WNT7A: variants seen among roughly 807,000 people sequenced by gnomAD.
WNT7A encodes the protein protein Wnt-7a.
Under a neutral mutation model 28.2 loss-of-function variants are expected in WNT7A, and 16 were observed. The ratio of observed to expected loss-of-function variants is 0.57; its 90% confidence interval spans 0.38 to 0.86. The LOEUF is 0.86. Ranked by LOEUF, WNT7A falls within the 40% of genes least tolerant of loss-of-function variation. The probability of loss-of-function intolerance (pLI) is 0.00; values close to 1 mark genes in which losing one functional copy is unlikely to be tolerated. For missense variants in WNT7A, 411 were observed against 489.7 expected (o/e 0.84, Z 1.52); for synonymous variants, 190 against 195.9 (o/e 0.97, Z 0.25).
chr3:13,821,343 C>G (rs552178668), intron 3 of WNT7A, among the ~76,000 whole-genome samples: 1 of 152,178 alleles, frequency 6.6e-6, no homozygotes, highest in Non-Finnish European at 1.5e-5. Context: ...ACCTGGTACA[C>G]GTATGTTAGA....
chr3:13,876,727 T>A (rs1196363979), intron 1 of WNT7A, among the ~76,000 whole-genome samples: 6 of 137,236 alleles, frequency 4.4e-5, no homozygotes, highest in Admixed American at 7.2e-5. Context: ...GTAGGCACTC[T>A]GTCCTTGCTC....
chr3:13,845,816 C>T (rs1178214769), intron 3 of WNT7A, among the ~76,000 whole-genome samples: 1 of 152,234 alleles, frequency 6.6e-6, no homozygotes, highest in East Asian at 1.9e-4. Context: ...CAGGCCCAGG[C>T]TGGGCTCTGA....
At chr3:13,875,233 A>G in intron 1 of WNT7A, 60 bp from the exon 2 acceptor site, 1 of 1,584,274 alleles carries the variant, frequency 6.3e-7, no homozygotes, top group Non-Finnish European at 8.6e-7. Flanking sequence ...TGGCCTGGGA[A>G]CCCTTCGTAG....
chr3:13,850,045 G>A (rs1158819478), intron 3 of WNT7A, among the ~76,000 whole-genome samples: 1 of 152,230 alleles, frequency 6.6e-6, no homozygotes, highest in Non-Finnish European at 1.5e-5. Context: ...GGCCCTGAAA[G>A]GCTGAGATGT....
intron 2 of WNT7A, among the ~76,000 whole-genome samples, chr3:13,857,405 C>A (rs1022198321): frequency 1.3e-5 from 2 of 152,144 alleles, no homozygotes; most frequent in Non-Finnish European, 2.9e-5. Context: ...AAACGGCAGA[C>A]AGACAGGAAA....
intron 3 of WNT7A, among the ~76,000 whole-genome samples, chr3:13,839,547 GC>G (rs1694424368): frequency 6.6e-6 from 1 of 152,224 alleles, no homozygotes; most frequent in Admixed American, 6.5e-5. Context: ...CTCTGGCTTA[GC>G]AATGAACGCT....
At chr3:13,821,903 G>T (rs1694116345) in intron 3 of WNT7A, among the ~76,000 whole-genome samples, 1 of 152,126 alleles carries the variant, frequency 6.6e-6, no homozygotes, top group South Asian at 2.1e-4. Flanking sequence ...AAGTGAACAG[G>T]GATGCTTTGT....
chr3:13,817,246 A>T lies in WNT7A; in HGVS notation c.*1698T>A, dbSNP rs566066351. 2 of 152,302 alleles carry T rather than the reference A, an allele frequency of 1.3e-5. No individual in the cohort carries two copies. The highest frequency in any genetic ancestry group is 4.1e-4 in the South Asian group (2 of 4,822). The allele number at this position is 152,302 out of a possible 1,614,324, so 9.4% of individuals were successfully genotyped here. A position where few individuals can be genotyped will look rare whatever the true frequency, so the allele number is the denominator to read the frequency against. ...TCACATGCAAGCAGAGACTCTGGGG[A>T]GCAGCAGATGCAAAGGCATGCAGCT... On this transcript the variant is annotated 3_prime_UTR_variant, in exon 4 of 4. Transcript: ENST00000285018.
intron 3 of WNT7A, among the ~76,000 whole-genome samples, chr3:13,831,173 C>T (rs1381829904): frequency 6.6e-6 from 1 of 152,216 alleles, no homozygotes; most frequent in South Asian, 2.1e-4. Context: ...AGTGTCACTT[C>T]TTCCTACGTG....
At chr3:13,827,459 G>T (rs1419741913) in intron 3 of WNT7A, among the ~76,000 whole-genome samples, 4 of 152,320 alleles carry the variant, frequency 2.6e-5, no homozygotes, top group Admixed American at 2.6e-4. Flanking sequence ...ACCAGGTGCT[G>T]CCCAGAGCCC....
In WNT7A at chr3:13,868,592, G is replaced by GAAAGAA. The variant is rs1559306974; in HGVS notation, c.298+6354_298+6355insTTCTTT. Among the ~76,000 whole-genome samples the GAAAGAA allele has an allele frequency of 1.8e-3, 30 of 16,914 alleles. 4 individuals carry two copies. Among genetic ancestry groups the GAAAGAA allele is most frequent in the Admixed American group, 3.2e-3 (4 of 1,238 alleles). The allele number at this position is 16,914 out of a possible 152,430, so 11.1% of individuals were successfully genotyped here. On this transcript the variant is annotated intron_variant, in intron 2 of 3. Coordinates refer to ENST00000285018, the MANE Select transcript of WNT7A (RefSeq NM_004625.4). Reference sequence around the variant, plus strand: ...AGAGAGAGAGAGAGAGAGAGAGAGGGAGAAAGAAAGAAAGAAAGAGAGAGA... The same window carrying GAAAGAA: ...AGAGAGAGAGAGAGAGAGAGAGAGGGAAAGAAAGAAAGAAAGAAAGAAAGAGAGAGA...
rs572639590 is a variant in WNT7A, at chr3:13,821,737, G to A, written c.571-2314C>T. On this transcript the variant is annotated intron_variant, in intron 3 of 3. Coordinates refer to ENST00000285018, the MANE Select transcript of WNT7A (RefSeq NM_004625.4). ...GACAAAACTGGATAGTATTGTTTAGGAGCCCATCCACCAATATCAAGACAA... is the reference window on the plus strand; with the variant it reads ...GACAAAACTGGATAGTATTGTTTAGAAGCCCATCCACCAATATCAAGACAA... 8.1e-4 allele frequency among the ~76,000 whole-genome samples: 123 copies of A among 152,288 alleles called. 1 individual carries two copies. Among genetic ancestry groups the A allele is most frequent in the African/African-American group, 2.8e-3 (117 of 41,554 alleles).
chr3:13,857,342 A>G lies in WNT7A; in HGVS notation c.299-2539T>C, dbSNP rs549998330. 3.3e-5 allele frequency among the ~76,000 whole-genome samples: 5 copies of G among 152,270 alleles called. No individual in the cohort carries two copies. In the South Asian group the frequency reaches 1.0e-3, roughly 32 times the overall value. ...GGAGACCAGGCTTTGAGTGCTGCTG[A>G]GGCAGGGCCTTGGTAAAGAGATAGA... On this transcript the variant is annotated intron_variant, in intron 2 of 3. Transcript: ENST00000285018.
rs552178668 is a variant in WNT7A at position 13,821,343 on chromosome 3, C to T, written c.571-1920G>A. 7.9e-5 allele frequency among the ~76,000 whole-genome samples: 12 copies of T among 152,296 alleles called. No individual in the cohort carries two copies. In the East Asian group the frequency reaches 1.9e-3, roughly 24 times the overall value. On this transcript the variant is annotated intron_variant, in intron 3 of 3. Transcript: ENST00000285018. ...GCTGGAGGCATGCCAACCTGGTACA[C>T]GTATGTTAGAAACCCGTTTTCCAGT...
intron 3 of WNT7A, among the ~76,000 whole-genome samples, chr3:13,827,457 C>A (rs1182281284): frequency 6.6e-6 from 1 of 152,196 alleles, no homozygotes; most frequent in African/African-American, 2.4e-5. Context: ...GTACCAGGTG[C>A]TGCCCAGAGC....
At chr3:13,865,231 C>T (rs532699091) in intron 2 of WNT7A, among the ~76,000 whole-genome samples, 9 of 152,134 alleles carry the variant, frequency 5.9e-5, no homozygotes, top group South Asian at 2.1e-4. Context: ...TTTAATATGC[C>T]GGCAGGCACC....
chr3:13,833,496 A>G (rs2124838097), intron 3 of WNT7A, among the ~76,000 whole-genome samples: 1 of 152,336 alleles, frequency 6.6e-6, no homozygotes, highest in Non-Finnish European at 1.5e-5. Flanking sequence ...AAACTGGGGC[A>G]TTTAAAGTAG....
At position 13,855,768 on chromosome 3, in the gene WNT7A, G is replaced by T. The variant is rs1321562147; in HGVS notation, c.299-965C>A. The stretch of plus-strand genomic sequence containing the variant: ...CTGTGTGTGGTATAAGCCCTGAGGA[G>T]CACTGGGCAAGTTCACTCTCATGTA... On this transcript the variant is annotated intron_variant, in intron 2 of 3. Coordinates refer to ENST00000285018, the MANE Select transcript of WNT7A (RefSeq NM_004625.4). Among the ~76,000 whole-genome samples, 3 of 152,160 alleles carry T rather than the reference G, an allele frequency of 2.0e-5. No individual in the cohort carries two copies. In the East Asian group the frequency reaches 5.8e-4, roughly 29 times the overall value.
intron 2 of WNT7A, among the ~76,000 whole-genome samples, chr3:13,868,826 A>AGAG (rs1694973788): frequency 2.0e-5 from 2 of 98,380 alleles, no homozygotes; most frequent in African/African-American, 4.8e-5. Context: ...GAGAGAGAGA[A>AGAG]AGAGAGAAAG....
Sources: gnomAD v4.1 joint callset for allele counts (sites outside exome capture counted in the v4.1 genomes callset) on GRCh38, gnomAD v4.1.1 for gene constraint, MANE v1.5 for transcripts, NCBI Gene and HGNC (gene_info 2026-07-23, HGNC 2026-07-21) for gene names.